The following CELF2 variants were observed in gnomAD, a reference collection of about 807,000 sequenced individuals.
CELF2 encodes CUG triplet repeat RNA-binding protein 2.
In CELF2, 8 loss-of-function variants were observed where a neutral mutation model predicts 62.6. The observed-to-expected ratio is 0.13, with a 90% CI of 0.07 to 0.23. The LOEUF (loss-of-function observed/expected upper bound fraction) is 0.23, where lower values mean the gene tolerates loss of function less well. CELF2 is among the 10% of genes least tolerant of loss of function. The pLI, the probability that CELF2 is intolerant of heterozygous loss-of-function variation, is 1.00. For missense variants in CELF2, 333 were observed against 671.0 expected (o/e 0.50, Z 5.56); for synonymous variants, 258 against 250.0 (o/e 1.03, Z -0.30).
the CELF2 span, among the ~76,000 whole-genome samples, chr10:10,628,709 G>C: frequency 4.2e-3 from 639 of 152,172 alleles, 4 homozygotes; most frequent in African/African-American, 0.015. Context: ...ATTTGGGTTG[G>C]TTCCAAGTCT....
chr10:10,895,399 A>C (rs895691208), intron 1 of CELF2, among the ~76,000 whole-genome samples: 1 of 152,190 alleles, frequency 6.6e-6, no homozygotes, highest in Non-Finnish European at 1.5e-5. Context: ...AGCTGAAGAG[A>C]TTTCCAAGAA....
chr10:10,960,805 C>T (rs1243264893), intron 2 of CELF2, among the ~76,000 whole-genome samples: 1 of 152,150 alleles, frequency 6.6e-6, no homozygotes, highest in African/African-American at 2.4e-5. Flanking sequence ...AATAGGTATG[C>T]GTTAGAATCT....
chr10:11,046,556 A>G lies in CELF2; in HGVS notation c.74+28393A>G. On this transcript the variant is annotated intron_variant, in intron 1 of 12. Coordinates refer to ENST00000633077, the MANE Select transcript of CELF2 (RefSeq NM_001326342.2). The surrounding 1 kb of genome is among the most constrained non-coding windows in gnomAD (Gnocchi z 4.6). Reference sequence around the variant, plus strand: ...TTTTATGTCTTGGGCATGTGGGCTCAGTGCTAATTTTCATGGCTTCTGTGG... The same window carrying G: ...TTTTATGTCTTGGGCATGTGGGCTCGGTGCTAATTTTCATGGCTTCTGTGG... 6.6e-6 allele frequency among the ~76,000 whole-genome samples: 1 copy of G among 152,198 alleles called. No homozygotes were observed. The highest frequency in any genetic ancestry group is 1.5e-5 in the Non-Finnish European group (1 of 68,030).
chr10:10,774,121 A>G, the CELF2 span, among the ~76,000 whole-genome samples: 4 of 152,244 alleles, frequency 2.6e-5, no homozygotes, highest in Admixed American at 6.5e-5. Flanking sequence ...AGAGATTTCC[A>G]TAAAGGATTT....
At chr10:11,013,069 T>G (rs1318765572), upstream of CELF2, among the ~76,000 whole-genome samples, 1 of 152,108 alleles carries the variant, frequency 6.6e-6, no homozygotes, top group Non-Finnish European at 1.5e-5. This position sits in a 1 kb window ranked among gnomAD's most constrained non-coding sequence, Gnocchi z 4.1. Flanking sequence ...CAGGGCTCAC[T>G]GCGAAGACAG....
the CELF2 span, among the ~76,000 whole-genome samples, chr10:10,790,884 T>C: frequency 6.6e-6 from 1 of 152,136 alleles, no homozygotes. Flanking sequence ...AGGAATTCAG[T>C]AGGACTCTCA....
chr10:11,197,030 A>G (rs1342128871), intron 2 of CELF2, among the ~76,000 whole-genome samples: 30 of 38,674 alleles, frequency 7.8e-4, no homozygotes, highest in African/African-American at 6.4e-3. Flanking sequence ...GAAAGAAAAG[A>G]AAGAAAGAAA....
the CELF2 span, among the ~76,000 whole-genome samples, chr10:10,686,113 G>A: frequency 0.21 from 32,621 of 151,880 alleles, 4,297 homozygotes; most frequent in Non-Finnish European, 0.3. Context: ...TGGTAATAAC[G>A]TGAGAAGATG....
At position 10,924,476 on chromosome 10, in the gene CELF2, G is replaced by A. The variant is rs942586500; in HGVS notation, c.89+4477G>A. Reference sequence around the variant, plus strand: ...TGAAGGGATATAATAGACCTTAACAGAAGTATCTTAAGTACTGCAGTAGAG... The same window carrying A: ...TGAAGGGATATAATAGACCTTAACAAAAGTATCTTAAGTACTGCAGTAGAG... On this transcript the variant is annotated intron_variant, in intron 2 of 13. Transcript: ENST00000636488. Among the ~76,000 whole-genome samples the A allele has an allele frequency of 1.8e-4, 27 of 152,038 alleles. 1 individual carries two copies. Among genetic ancestry groups the A allele is most frequent in the African/African-American group, 6.3e-4 (26 of 41,394 alleles).
Position 10,938,337 on chromosome 10 carries a change from A to C in CELF2, c.89+18338A>C, listed in dbSNP as rs1208054600. On this transcript the variant is annotated intron_variant, in intron 2 of 13. Coordinates refer to the CELF2 transcript ENST00000636488. This position sits in a 1 kb window ranked among gnomAD's most constrained non-coding sequence, Gnocchi z 4.2. The stretch of plus-strand genomic sequence containing the variant: ...AACAGAGCAGCCAGTCCAAAGACCC[A>C]AATACCAAAGGATTATCTTTAAATT... Among the ~76,000 whole-genome samples the C allele has an allele frequency of 1.3e-5, 2 of 152,256 alleles. No homozygotes were observed. The highest frequency in any genetic ancestry group is 2.4e-5 in the African/African-American group (1 of 41,470).
intron 8 of CELF2, among the ~76,000 whole-genome samples, chr10:11,287,982 C>T (rs2091753596): frequency 6.6e-6 from 1 of 152,258 alleles, no homozygotes. Flanking sequence ...CTTCCTCCAG[C>T]TGCTGCCACA....
intron 1 of CELF2, among the ~76,000 whole-genome samples, chr10:11,062,850 G>A (rs1254533152): frequency 6.6e-6 from 1 of 152,130 alleles, no homozygotes; most frequent in African/African-American, 2.4e-5. Context: ...AACAGCATGG[G>A]ATGCTTCAGA....
chr10:10,863,300 G>A (rs905944156), intron 1 of CELF2, among the ~76,000 whole-genome samples: 2 of 152,172 alleles, frequency 1.3e-5, no homozygotes, highest in Non-Finnish European at 2.9e-5. Context: ...ATTATACAAT[G>A]TGTGTGTTCT....
chr10:10,908,214 AT>A (rs796857171), intron 1 of CELF2, among the ~76,000 whole-genome samples: 919 of 83,702 alleles, frequency 0.011, 13 homozygotes, highest in Middle Eastern at 0.017. Context: ...GTATGAGGGG[AT>A]TTTTTTTTTT....
chr10:11,271,543 G>A (rs577550594), intron 7 of CELF2, among the ~76,000 whole-genome samples: 9 of 152,240 alleles, frequency 5.9e-5, no homozygotes, highest in East Asian at 1.9e-4. Context: ...TGGCAGATGC[G>A]GGCTGGAAGG....
At chr10:11,245,526 A>G (rs1303452169) in intron 3 of CELF2, among the ~76,000 whole-genome samples, 2 of 152,200 alleles carry the variant, frequency 1.3e-5, no homozygotes, top group African/African-American at 2.4e-5. Flanking sequence ...GGCTCTGCGA[A>G]GTTGATTTTT....
In CELF2 at chr10:11,268,696, TG is replaced by T. The variant is rs956792439; in HGVS notation, c.619-1968del. 3.0e-4 allele frequency among the ~76,000 whole-genome samples: 21 copies of T among 69,826 alleles called. No homozygotes were observed. Among genetic ancestry groups the T allele is most frequent in the Non-Finnish European group, 7.4e-4 (17 of 23,122 alleles). The allele number at this position is 69,826 out of a possible 152,430, so 45.8% of individuals were successfully genotyped here. A position where few individuals can be genotyped will look rare whatever the true frequency, so the allele number is the denominator to read the frequency against. On this transcript the variant is annotated intron_variant, in intron 6 of 12. Transcript: ENST00000633077. The surrounding 1 kb of genome is among the most constrained non-coding windows in gnomAD (Gnocchi z 4.7). ...TCCTCTGACACTTAAATTTCTTGTT[TG>T]GTTTTTTTTTTAATTGGCATTTAAA...
chr10:10,778,298 T>G, the CELF2 span, among the ~76,000 whole-genome samples: 1 of 152,178 alleles, frequency 6.6e-6, no homozygotes, highest in Non-Finnish European at 1.5e-5. Context: ...TCTCAATGCC[T>G]TCCTGCATGG....
intron 1 of CELF2, among the ~76,000 whole-genome samples, chr10:11,036,942 C>G (rs146035347): frequency 3.9e-5 from 6 of 152,332 alleles, no homozygotes; most frequent in Non-Finnish European, 8.8e-5. Flanking sequence ...TCCATGCCCC[C>G]TTTCTTCCAG....
Sources: gnomAD v4.1 joint callset for allele counts (sites outside exome capture counted in the v4.1 genomes callset) on GRCh38, gnomAD v4.1.1 for gene constraint, Gnocchi (gnomAD v3.1) non-coding constraint, MANE v1.5 for transcripts, NCBI Gene and HGNC (gene_info 2026-07-23, HGNC 2026-07-21) for gene names.